The following DOCK2 variants were observed in gnomAD, a reference collection of about 807,000 sequenced individuals.
The protein encoded by DOCK2 is dedicator of cytokinesis 2, also known as dedicator of cytokinesis protein 2.
A neutral mutation model predicts 248.9 loss-of-function variants in DOCK2; 87 were observed. The observed-to-expected ratio is 0.35, with a 90% CI of 0.29 to 0.42. The LOEUF (loss-of-function observed/expected upper bound fraction) is 0.42. Ranked by LOEUF, DOCK2 falls within the 10% of genes least tolerant of loss-of-function variation. The pLI is 1.00. For synonymous variants in DOCK2, 805 were observed against 821.6 expected (o/e 0.98, Z 0.35); for missense variants, 1,747 against 2,300.2 (o/e 0.76, Z 4.92).
In DOCK2 at chr5:169,950,347, G is replaced by A. The variant is rs57354647; in HGVS notation, c.2800-32721G>A. ...TTAAGAGCATTGATATATGCAAAGC[G>A]CTTAGTGTCTAGCATTTACTAAGCA... On this transcript the variant is annotated intron_variant, in intron 27 of 51. Transcript: ENST00000520908. Among the ~76,000 whole-genome samples, 267 of 152,284 alleles carry A rather than the reference G, an allele frequency of 1.8e-3. 1 individual carries two copies. The highest frequency in any genetic ancestry group is 6.2e-3 in the African/African-American group (257 of 41,540).
intron 26 of DOCK2, among the ~76,000 whole-genome samples, chr5:169,807,697 G>C (rs1387339884): frequency 1.3e-5 from 2 of 151,776 alleles, no homozygotes; most frequent in African/African-American, 4.8e-5. Flanking sequence ...AGCTGGGCGT[G>C]GTGGTGGGCG....
At chr5:170,062,854 G>T (rs374471121) in intron 44 of DOCK2, among the ~76,000 whole-genome samples, 1 of 152,140 alleles carries the variant, frequency 6.6e-6, no homozygotes, top group South Asian at 2.1e-4. Flanking sequence ...TCTTCCAGTG[G>T]CTACTTGGCA....
chr5:169,700,093 C>T lies in DOCK2; in HGVS notation c.1212C>T (p.Thr404=), dbSNP rs2112703. The T allele has an allele frequency of 6.2e-7, 1 of 1,613,710 alleles. No homozygotes were observed. Among genetic ancestry groups the T allele is most frequent in the African/African-American group, 1.3e-5 (1 of 74,906 alleles). ...ACTATCCACACCTGGTGGACAGGAC[C>T]ACCGTGGTGGCCAGGAAGCTGGGAT... The part of the protein sequence containing the change: ...RKDYPHLVDR[T]TVVARKLGFP... The change falls in exon 13 of 52, where the codon ACC becomes ACT. Residue 404 remains threonine (T), a synonymous_variant. Coordinates refer to ENST00000520908, the MANE Select transcript of DOCK2 (RefSeq NM_004946.3).
intron 27 of DOCK2, among the ~76,000 whole-genome samples, chr5:169,889,971 G>T (rs1487599652): frequency 1.3e-5 from 2 of 151,726 alleles, no homozygotes; most frequent in African/African-American, 4.9e-5. Context: ...AACCTTTACT[G>T]TTTACACCAC....
intron 1 of DOCK2, among the ~76,000 whole-genome samples, chr5:169,641,223 C>G (rs1757131021): frequency 6.6e-6 from 1 of 152,196 alleles, no homozygotes; most frequent in South Asian, 2.1e-4. Context: ...CAAATAAGAT[C>G]ACATTCTGAG....
At chr5:169,846,356 T>C (rs1237862966) in intron 27 of DOCK2, among the ~76,000 whole-genome samples, 2 of 152,202 alleles carry the variant, frequency 1.3e-5, no homozygotes, top group Non-Finnish European at 2.9e-5. Context: ...GGCTTTGCGA[T>C]GACCATTCCT....
At chr5:169,696,932 A>T (rs923890463) in intron 10 of DOCK2, among the ~76,000 whole-genome samples, 28 of 151,968 alleles carry the variant, frequency 1.8e-4, no homozygotes, top group African/African-American at 6.5e-4. Flanking sequence ...TGAAGGACTC[A>T]TACCTGGTTA....
intron 1 of DOCK2, among the ~76,000 whole-genome samples, chr5:169,654,126 A>G (rs1236103114): frequency 1.3e-5 from 2 of 152,246 alleles, no homozygotes; most frequent in African/African-American, 4.8e-5. Flanking sequence ...GGTGTACAGT[A>G]AGAGGACAGT....
intron 14 of DOCK2, among the ~76,000 whole-genome samples, chr5:169,704,757 ATATGTG>A (rs1158707667): frequency 1.7e-5 from 2 of 118,264 alleles, no homozygotes; most frequent in South Asian, 3.2e-4. Context: ...TACTCCATAT[ATATGTG>A]TGTGTGTGTG....
chr5:169,943,978 G>A (rs917489355), intron 27 of DOCK2, among the ~76,000 whole-genome samples: 2 of 152,244 alleles, frequency 1.3e-5, no homozygotes, highest in African/African-American at 2.4e-5. Flanking sequence ...AAAGTGGTAA[G>A]AGTGGGCTAA....
intron 27 of DOCK2, among the ~76,000 whole-genome samples, chr5:169,894,586 C>A (rs1009799648): frequency 2.6e-5 from 4 of 152,190 alleles, no homozygotes; most frequent in African/African-American, 9.6e-5. Context: ...ATGGTCTGAT[C>A]TAATCACAGA....
intron 33 of DOCK2, among the ~76,000 whole-genome samples, chr5:170,020,729 T>C (rs1040815541): frequency 1.3e-5 from 2 of 152,226 alleles, no homozygotes; most frequent in Non-Finnish European, 2.9e-5. Flanking sequence ...ACCCGTACTA[T>C]CCAGCCACCA....
intron 22 of DOCK2, among the ~76,000 whole-genome samples, chr5:169,724,947 C>T (rs1243733451): frequency 6.6e-6 from 1 of 152,014 alleles, no homozygotes; most frequent in Non-Finnish European, 1.5e-5. Flanking sequence ...AGCTTGCAGT[C>T]GGAGGGAGCA....
At chr5:169,944,345 C>A (rs1461108541) in intron 27 of DOCK2, among the ~76,000 whole-genome samples, 3 of 152,224 alleles carry the variant, frequency 2.0e-5, no homozygotes, top group Non-Finnish European at 4.4e-5. Context: ...TCCTTCAAGG[C>A]AGGCAGAGGC....
chr5:169,785,073 A>G (rs1213695111), intron 25 of DOCK2, among the ~76,000 whole-genome samples: 1 of 152,206 alleles, frequency 6.6e-6, no homozygotes, highest in Admixed American at 6.5e-5. Flanking sequence ...CAATCATTAG[A>G]TCTAAAAGAA....
At position 170,008,680 on chromosome 5, in the gene DOCK2, C is replaced by T. The variant is rs749326729; in HGVS notation, c.3174-8C>T. The T allele has an allele frequency of 2.5e-6, 4 of 1,613,856 alleles. No homozygotes were observed. The highest frequency in any genetic ancestry group is 2.5e-6 in the Non-Finnish European group (3 of 1,179,980). On this transcript the variant is annotated splice_polypyrimidine_tract_variant and splice_region_variant and intron_variant, in intron 31 of 51. Coordinates refer to ENST00000520908, the MANE Select transcript of DOCK2 (RefSeq NM_004946.3). ...GGTGCCTGAAGCAGAGGTTTTTGTT[C>T]CTCCTAGGTATGGGGACATGAGACG...
chr5:169,650,891 G>A lies in DOCK2; in HGVS notation c.44-3512G>A, dbSNP rs1486465227. On this transcript the variant is annotated intron_variant, in intron 1 of 51. Coordinates refer to ENST00000520908, the MANE Select transcript of DOCK2 (RefSeq NM_004946.3). Reference sequence around the variant, plus strand: ...GGGCTTGGCGACCTGGCACGATGGGGAAGCTGGAATGAGTATTTGCGGGAA... The same window carrying A: ...GGGCTTGGCGACCTGGCACGATGGGAAAGCTGGAATGAGTATTTGCGGGAA... Among the ~76,000 whole-genome samples, 3 of 152,234 alleles carry A rather than the reference G, an allele frequency of 2.0e-5. No individual in the cohort carries two copies. In the East Asian group the frequency reaches 5.8e-4, roughly 29 times the overall value.
intron 27 of DOCK2, among the ~76,000 whole-genome samples, chr5:169,904,753 A>T (rs926370139): frequency 1.3e-5 from 2 of 152,158 alleles, no homozygotes; most frequent in Admixed American, 6.5e-5. Flanking sequence ...CTACATTGGA[A>T]TTTCCATCAG....
At chr5:169,707,525 A>G (rs1294872228) in intron 14 of DOCK2, among the ~76,000 whole-genome samples, 1 of 152,154 alleles carries the variant, frequency 6.6e-6, no homozygotes, top group African/African-American at 2.4e-5. Context: ...TGTTTCCTGC[A>G]CAAAACTGTG....
Sources: gnomAD v4.1 joint callset for allele counts (sites outside exome capture counted in the v4.1 genomes callset) on GRCh38, gnomAD v4.1.1 for gene constraint, MANE v1.5 for transcripts, NCBI Gene and HGNC (gene_info 2026-07-23, HGNC 2026-07-21) for gene names.